EYS: variants seen among roughly 807,000 people sequenced by gnomAD.
EYS encodes the protein protein eyes shut homolog.
Under a neutral mutation model 282.1 loss-of-function variants are expected in EYS, and 250 were observed. That is an observed-to-expected ratio of 0.89 (90% confidence interval 0.80 to 0.98). EYS has a LOEUF of 0.98. Among genes scored for constraint, EYS ranks in the 50% least tolerant of loss-of-function variants. The pLI, the probability that EYS is intolerant of heterozygous loss-of-function variation, is 0.00. For synonymous variants in EYS, 1,355 were observed against 1,282.9 expected (o/e 1.06, Z -1.20); for missense variants, 4,016 against 3,709.0 (o/e 1.08, Z -2.15).
intron 26 of EYS, among the ~76,000 whole-genome samples, chr6:64,490,983 T>C (rs968427214): frequency 6.6e-6 from 1 of 150,792 alleles, no homozygotes; most frequent in Non-Finnish European, 1.5e-5. Flanking sequence ...ATTTTAAGTT[T>C]TAAAAATTGC....
chr6:63,730,478 A>G (rs924045431), intron 41 of EYS, among the ~76,000 whole-genome samples: 3 of 152,164 alleles, frequency 2.0e-5, no homozygotes, highest in Non-Finnish European at 2.9e-5. Flanking sequence ...CATTCCCACC[A>G]TTGTGCATAT....
intron 30 of EYS, among the ~76,000 whole-genome samples, chr6:64,298,758 A>C (rs1444572766): frequency 1.3e-5 from 2 of 152,064 alleles, no homozygotes; most frequent in African/African-American, 4.8e-5. Context: ...CACTTTTTTC[A>C]ACTATATCCT....
At chr6:65,561,261 A>C (rs1411855) in intron 2 of EYS, among the ~76,000 whole-genome samples, 40,156 of 152,000 alleles carry the variant, frequency 0.26, 5,641 homozygotes, top group Middle Eastern at 0.41. Context: ...TGTAAGCTCT[A>C]CTATTAACAT....
At position 65,435,566 on chromosome 6, in the gene EYS, T is replaced by C. The variant is rs1365071686; in HGVS notation, c.863-30199A>G. ...TAACTTTAAAGTTAACAATTTTAAC[T>C]GGGTGAAGGGCCCATGGAATCCTCC... On this transcript the variant is annotated intron_variant, in intron 5 of 42. Transcript: ENST00000503581. Among the ~76,000 whole-genome samples the C allele has an allele frequency of 4.6e-5, 7 of 152,086 alleles. No individual in the cohort carries two copies. In the East Asian group the frequency reaches 1.3e-3, roughly 29 times the overall value.
At chr6:64,429,719 T>C (rs1034962971) in intron 28 of EYS, among the ~76,000 whole-genome samples, 2 of 152,192 alleles carry the variant, frequency 1.3e-5, no homozygotes, top group Non-Finnish European at 2.9e-5. Context: ...GATCCTCTTT[T>C]CCCACGTTAA....
At chr6:65,180,904 A>G (rs1429646236) in intron 12 of EYS, among the ~76,000 whole-genome samples, 2 of 152,158 alleles carry the variant, frequency 1.3e-5, no homozygotes, top group Non-Finnish European at 2.9e-5. Context: ...ATAATGCTGC[A>G]TATCTACAAC....
chr6:65,212,661 T>A (rs183597990), intron 12 of EYS, among the ~76,000 whole-genome samples: 1 of 152,258 alleles, frequency 6.6e-6, no homozygotes, highest in East Asian at 1.9e-4. Context: ...CATTGATTAC[T>A]ACAGAAAGAC....
chr6:65,082,259 A>C (rs960953735), intron 12 of EYS, among the ~76,000 whole-genome samples: 6 of 152,044 alleles, frequency 3.9e-5, no homozygotes, highest in Non-Finnish European at 5.9e-5. Context: ...TGCCATACCC[A>C]TTTTGGCCTT....
At chr6:64,708,688 T>C (rs1325662456) in intron 22 of EYS, among the ~76,000 whole-genome samples, 3 of 152,180 alleles carry the variant, frequency 2.0e-5, no homozygotes, top group South Asian at 2.1e-4. Context: ...TATAAAAGAT[T>C]AGGATTACCT....
At chr6:64,946,943 A>G (rs978553448) in intron 14 of EYS, among the ~76,000 whole-genome samples, 4 of 151,924 alleles carry the variant, frequency 2.6e-5, no homozygotes, top group African/African-American at 9.7e-5. Flanking sequence ...AAACACAAAC[A>G]GAGATCTCTT....
chr6:64,210,652 A>G (rs1336446172), intron 31 of EYS, among the ~76,000 whole-genome samples: 1 of 152,210 alleles, frequency 6.6e-6, no homozygotes, highest in Non-Finnish European at 1.5e-5. Flanking sequence ...AATAATGGCA[A>G]TGATTAAATT....
At chr6:64,277,400 C>T (rs1021829803) in intron 30 of EYS, among the ~76,000 whole-genome samples, 1 of 152,102 alleles carries the variant, frequency 6.6e-6, no homozygotes, top group Non-Finnish European at 1.5e-5. Context: ...TACTCATTAT[C>T]AAGGCCACCC....
intron 22 of EYS, among the ~76,000 whole-genome samples, chr6:64,684,676 A>T (rs931195731): frequency 6.6e-6 from 1 of 152,142 alleles, no homozygotes; most frequent in Non-Finnish European, 1.5e-5. Flanking sequence ...AAGGATATGG[A>T]AATATAGTAT....
intron 31 of EYS, among the ~76,000 whole-genome samples, chr6:64,215,718 C>G (rs4710471): frequency 0.35 from 53,080 of 151,890 alleles, 9,284 homozygotes; most frequent in East Asian, 0.54. Flanking sequence ...TGCTATGCTA[C>G]ATGCCAGGGA....
chr6:64,763,451 A>C (rs1020915740), intron 22 of EYS, among the ~76,000 whole-genome samples: 2 of 152,106 alleles, frequency 1.3e-5, no homozygotes, highest in Non-Finnish European at 2.9e-5. Context: ...ATGAGAACTC[A>C]CTCACTATCA....
chr6:64,711,420 G>GA (rs970512044), intron 22 of EYS, among the ~76,000 whole-genome samples: 3 of 151,964 alleles, frequency 2.0e-5, no homozygotes, highest in Admixed American at 6.6e-5. Context: ...TTAATAAGAG[G>GA]AAAAAAACAC....
At chr6:64,288,371 T>C (rs1018353145) in intron 30 of EYS, among the ~76,000 whole-genome samples, 1 of 152,152 alleles carries the variant, frequency 6.6e-6, no homozygotes, top group African/African-American at 2.4e-5. Flanking sequence ...AAATTCTGCA[T>C]TTCCAAAGTG....
At chr6:65,311,143 G>A (rs62408698) in intron 11 of EYS, among the ~76,000 whole-genome samples, 44,291 of 151,868 alleles carry the variant, frequency 0.29, 6,823 homozygotes, top group Middle Eastern at 0.33. Context: ...GCCGAGAAGC[G>A]ATACGTATAT....
intron 31 of EYS, among the ~76,000 whole-genome samples, chr6:64,200,519 G>A (rs1582418710): frequency 1.3e-5 from 2 of 152,210 alleles, no homozygotes; most frequent in East Asian, 1.9e-4. Context: ...CCTATGGTAA[G>A]TAAAGAAAAC....
Sources: allele counts gnomAD v4.1 joint callset (sites outside exome capture counted in the v4.1 genomes callset), GRCh38; gene constraint gnomAD v4.1.1; transcripts MANE v1.5; gene names NCBI Gene and HGNC (gene_info 2026-07-23, HGNC 2026-07-21).